Variants in PRSS23 observed in about 807,000 individuals in gnomAD.
PRSS23 encodes protease, serine 23.
A neutral mutation model predicts 34.7 loss-of-function variants in PRSS23; 25 were observed. That is an observed-to-expected ratio of 0.72 (90% CI 0.53 to 1.01). PRSS23 has a LOEUF of 1.01. Ranked by LOEUF, PRSS23 falls within the 50% of genes least tolerant of loss-of-function variation. PRSS23 has a pLI of 0.00. For synonymous variants in PRSS23, 176 were observed against 186.6 expected, an observed-to-expected ratio of 0.94 and a Z score of 0.46; for missense variants, 445 against 475.6, an observed-to-expected ratio of 0.94 and a Z score of 0.60.
At chr11:86,895,465 C>T (rs1244462530) in intron 2 of PRSS23, among the ~76,000 whole-genome samples, 3 of 133,838 alleles carry the variant, frequency 2.2e-5, no homozygotes, top group African/African-American at 5.4e-5. Context: ...TGTATTTATC[C>T]TTTATTTTAT....
intron 2 of PRSS23, among the ~76,000 whole-genome samples, chr11:86,824,567 G>T (rs1264577843): frequency 6.7e-6 from 1 of 150,090 alleles, no homozygotes; most frequent in African/African-American, 2.5e-5. Flanking sequence ...CCATGCTGGT[G>T]TGCTGCACCC....
chr11:86,808,260 C>A lies in PRSS23; in HGVS notation c.617C>A (p.Ala206Asp). ...AAGTTTAAAGATGGTGGTCGAGGGG[C>A]CAACGACTCCACTTCAGCCATGCCC... Reference protein sequence around the residue: ...KPKFKDGGRGANDSTSAMPEQ... With the variant: ...KPKFKDGGRGDNDSTSAMPEQ... The change falls in exon 2 of 2, where the codon GCC becomes GAC. Residue 206 changes from alanine to aspartate, a missense_variant. By Grantham distance (126) the Ala-to-Asp change is moderately radical (BLOSUM62 -2). Transcript: ENST00000280258. 3 of 1,614,052 alleles carry A rather than the reference C, an allele frequency of 1.9e-6. No individual in the cohort carries two copies. The highest frequency in any genetic ancestry group is 2.5e-6 in the Non-Finnish European group (3 of 1,180,034).
At chr11:86,875,981 C>A (rs1948721629) in intron 2 of PRSS23, among the ~76,000 whole-genome samples, 1 of 152,144 alleles carries the variant, frequency 6.6e-6, no homozygotes, top group African/African-American at 2.4e-5. Context: ...ACTGTGGGCT[C>A]CTTTATATGG....
At chr11:86,828,256 CT>C (rs1948320172) in intron 2 of PRSS23, among the ~76,000 whole-genome samples, 1 of 152,164 alleles carries the variant, frequency 6.6e-6, no homozygotes, top group South Asian at 2.1e-4. Flanking sequence ...TAATGGCCTT[CT>C]TTGTCTCTTT....
At chr11:86,817,869 G>C (rs1337050190) in intron 1 of PRSS23, among the ~76,000 whole-genome samples, 1 of 152,166 alleles carries the variant, frequency 6.6e-6, no homozygotes, top group African/African-American at 2.4e-5. Flanking sequence ...GGGGCTAATT[G>C]AAGCAAGGTA....
intron 2 of PRSS23, chr11:86,857,651 G>A (rs191470272): frequency 3.4e-4 from 180 of 531,292 alleles, no homozygotes; most frequent in African/African-American, 2.2e-3. Context: ...GCCACAAATC[G>A]GTCATAGGCC....
intron 2 of PRSS23, among the ~76,000 whole-genome samples, chr11:86,842,879 T>C (rs1255516996): frequency 6.6e-6 from 1 of 152,150 alleles, no homozygotes; most frequent in Non-Finnish European, 1.5e-5. Flanking sequence ...GCCATTTCCA[T>C]CAACTAGCAC....
chr11:86,873,112 C>T (rs1342671429), intron 2 of PRSS23, among the ~76,000 whole-genome samples: 1 of 151,454 alleles, frequency 6.6e-6, no homozygotes, highest in East Asian at 1.9e-4. Context: ...TCTATCCAAC[C>T]CCCTCTGTCC....
rs989763042 is a variant in PRSS23, at chr11:86,809,999, G to C, written c.*1204G>C. On this transcript the variant is annotated 3_prime_UTR_variant, in exon 2 of 2. Coordinates refer to ENST00000280258, the MANE Select transcript of PRSS23 (RefSeq NM_007173.6). The stretch of plus-strand genomic sequence containing the variant: ...TTTTCCCTCTAGCTTTAAAAGGGCC[G>C]CTTTTGCTGGAATGCTCTAGGTTAT... 1.8e-5 allele frequency: 3 copies of C among 166,962 alleles called. No individual in the cohort carries two copies. Among genetic ancestry groups the C allele is most frequent in the African/African-American group, 7.2e-5 (3 of 41,440 alleles). 10.3% of individuals were successfully genotyped at this position (166,962 alleles called of 1,614,324 possible).
At position 86,804,205 on chromosome 11, in the gene PRSS23, A is replaced by G. The variant is rs139555193; in HGVS notation, c.-13-3426A>G. ...TAAGAAGCTTGTAGCTTTAATACAG[A>G]CATCAGTTTAAACCCATTTAAGGGC... On this transcript the variant is annotated intron_variant, in intron 1 of 1. Coordinates refer to ENST00000280258, the MANE Select transcript of PRSS23 (RefSeq NM_007173.6). Among the ~76,000 whole-genome samples, 3 of 152,266 alleles carry G rather than the reference A, an allele frequency of 2.0e-5. No individual in the cohort carries two copies. In the East Asian group the frequency reaches 5.8e-4, roughly 29 times the overall value.
intron 2 of PRSS23, chr11:86,935,124 C>T (rs772492590): frequency 1.2e-4 from 18 of 152,254 alleles, no homozygotes; most frequent in Non-Finnish European, 2.4e-4. Context: ...TAACTAATCC[C>T]TCTGAAACAA....
chr11:86,797,352 A>G (rs1565346447), upstream of PRSS23, among the ~76,000 whole-genome samples: 1 of 152,230 alleles, frequency 6.6e-6, no homozygotes, highest in African/African-American at 2.4e-5. Flanking sequence ...ATACAGTTCT[A>G]TCATCGTCCT....
In PRSS23 at chr11:86,833,248, A is replaced by T. The variant is rs529704223; in HGVS notation, c.206+9655A>T. On this transcript the variant is annotated intron_variant, in intron 2 of 2. Coordinates refer to the PRSS23 transcript ENST00000533902. ...GGGGACCGTGTTGGAGGTGAAACCG[A>T]TGTCAGCCAAGGACAGGTTGGAGAG... The T allele has an allele frequency of 2.5e-6, 4 of 1,576,064 alleles. No homozygotes were observed. In the East Asian group the frequency reaches 6.8e-5, roughly 27 times the overall value.
intron 2 of PRSS23, among the ~76,000 whole-genome samples, chr11:86,861,802 T>C (rs1352455741): frequency 1.3e-5 from 2 of 151,748 alleles, no homozygotes; most frequent in South Asian, 4.2e-4. Flanking sequence ...TCTGATAGGG[T>C]GTACACGCCT....
chr11:86,831,069 T>G (rs1411837172), intron 2 of PRSS23, among the ~76,000 whole-genome samples: 1 of 152,052 alleles, frequency 6.6e-6, no homozygotes, highest in Non-Finnish European at 1.5e-5. Flanking sequence ...GTTTACAACT[T>G]GTAATACTAT....
At chr11:86,892,856 TAAG>T (rs1345458560) in intron 2 of PRSS23, among the ~76,000 whole-genome samples, 1 of 152,156 alleles carries the variant, frequency 6.6e-6, no homozygotes, top group East Asian at 1.9e-4. Context: ...CTTCTCATAA[TAAG>T]AAAAACAATT....
intron 2 of PRSS23, among the ~76,000 whole-genome samples, chr11:86,859,926 G>A (rs767328733): frequency 6.6e-5 from 10 of 151,988 alleles, no homozygotes; most frequent in South Asian, 2.1e-4. Context: ...ACACACCCCC[G>A]TGATATTGTT....
intron 2 of PRSS23, among the ~76,000 whole-genome samples, chr11:86,917,998 CA>C (rs1272560549): frequency 6.6e-6 from 1 of 152,060 alleles, no homozygotes; most frequent in Non-Finnish European, 1.5e-5. Flanking sequence ...ATTATTAGCC[CA>C]AAGGAAGAAG....
At chr11:86,855,095 G>T (rs1403211792) in intron 2 of PRSS23, among the ~76,000 whole-genome samples, 1 of 151,934 alleles carries the variant, frequency 6.6e-6, no homozygotes, top group Non-Finnish European at 1.5e-5. Context: ...AAACCCAGGA[G>T]GCAGAGGTTG....
Sources: allele counts gnomAD v4.1 joint callset (sites outside exome capture counted in the v4.1 genomes callset), GRCh38; gene constraint gnomAD v4.1.1; transcripts MANE v1.5; gene names NCBI Gene and HGNC (gene_info 2026-07-23, HGNC 2026-07-21).